The following LRRIQ1 variants were observed in gnomAD, a reference collection of about 807,000 sequenced individuals.
LRRIQ1 encodes the protein leucine rich repeats and IQ motif containing 1, also known as leucine-rich repeat- and IQ domain-containing protein 1.
A neutral mutation model predicts 211.9 loss-of-function variants in LRRIQ1; 210 were observed. That is an observed-to-expected ratio of 0.99 (90% CI 0.89 to 1.11). The LOEUF is 1.11. Among genes scored for constraint, LRRIQ1 ranks in the 50% most tolerant of loss-of-function variants. The pLI is 0.00. For missense variants in LRRIQ1, 2,136 were observed against 1,939.5 expected (o/e 1.10, Z -1.90); for synonymous variants, 699 against 650.1 (o/e 1.08, Z -1.14).
chr12:85,203,982 C>T (rs1168049815), intron 24 of LRRIQ1, among the ~76,000 whole-genome samples: 1 of 152,046 alleles, frequency 6.6e-6, no homozygotes, highest in Non-Finnish European at 1.5e-5. Flanking sequence ...CACGACAGCC[C>T]CTCCCATCAC....
chr12:85,192,065 G>A (rs1445137458), intron 24 of LRRIQ1, among the ~76,000 whole-genome samples: 2 of 151,450 alleles, frequency 1.3e-5, no homozygotes, highest in Non-Finnish European at 2.9e-5. Context: ...TGTCACGGGG[G>A]GTTGTTTACA....
chr12:85,104,893 A>G (rs1310652983), intron 14 of LRRIQ1, among the ~76,000 whole-genome samples: 1 of 152,114 alleles, frequency 6.6e-6, no homozygotes, highest in Non-Finnish European at 1.5e-5. Flanking sequence ...AACATTTTAC[A>G]ACCACACCAG....
intron 1 of LRRIQ1, among the ~76,000 whole-genome samples, chr12:85,252,956 A>C (rs1194590388): frequency 6.6e-6 from 1 of 151,984 alleles, no homozygotes; most frequent in African/African-American, 2.4e-5. Context: ...TCTGTACCTT[A>C]TGATTACACT....
At chr12:85,187,098 T>G (rs958139453) in intron 24 of LRRIQ1, among the ~76,000 whole-genome samples, 1 of 152,192 alleles carries the variant, frequency 6.6e-6, no homozygotes, top group East Asian at 1.9e-4. Context: ...ATAATGATAT[T>G]TTTCTATGCT....
At chr12:85,072,208 G>A (rs558139855) in intron 10 of LRRIQ1, among the ~76,000 whole-genome samples, 1 of 151,014 alleles carries the variant, frequency 6.6e-6, no homozygotes, top group Non-Finnish European at 1.5e-5. Flanking sequence ...TTTTACCTTA[G>A]ATTTAAAATT....
chr12:85,250,041 A>G (rs1240939981), downstream of LRRIQ1, among the ~76,000 whole-genome samples: 1 of 151,462 alleles, frequency 6.6e-6, no homozygotes, highest in Non-Finnish European at 1.5e-5. Flanking sequence ...GGAAGCAGGG[A>G]GTTTAATTAA....
chr12:85,234,244 A>G (rs1895079086), intron 26 of LRRIQ1, among the ~76,000 whole-genome samples: 1 of 152,150 alleles, frequency 6.6e-6, no homozygotes, highest in Non-Finnish European at 1.5e-5. Context: ...TTCAAAAAAC[A>G]AAAAAGTTAT....
At chr12:85,040,819 G>A (rs932085370) in intron 3 of LRRIQ1, among the ~76,000 whole-genome samples, 1 of 150,966 alleles carries the variant, frequency 6.6e-6, no homozygotes, top group Non-Finnish European at 1.5e-5. Flanking sequence ...AATACCATCA[G>A]CATTTTGTTT....
intron 24 of LRRIQ1, among the ~76,000 whole-genome samples, chr12:85,184,666 T>G (rs941707110): frequency 6.6e-6 from 1 of 152,006 alleles, no homozygotes; most frequent in African/African-American, 2.4e-5. Context: ...TACAAGTGCA[T>G]TTTGCTGATC....
chr12:85,056,255 G>T lies in LRRIQ1; in HGVS notation c.1462G>T (p.Ala488Ser), dbSNP rs760389426. Residue 488 changes from alanine (A) to serine (S), a missense_variant, in exon 8 of 27, where the codon GCA (alanine) becomes TCA (serine). Coordinates refer to ENST00000393217, the MANE Select transcript of LRRIQ1 (RefSeq NM_001079910.2). ...AATGGAAGAAAAAAATGAAAACCTA[G>T]CAAAAAAACGATGTTCAGAAGAATT... The part of the protein sequence containing the change: ...FKMEEKNENL[A>S]KKRCSEELVK... The T allele has an allele frequency of 3.7e-5, 58 of 1,570,954 alleles. No homozygotes were observed. The highest frequency in any genetic ancestry group is 5.0e-5 in the Non-Finnish European group (58 of 1,168,394).
intron 24 of LRRIQ1, among the ~76,000 whole-genome samples, chr12:85,168,555 C>T (rs1891262235): frequency 6.6e-6 from 1 of 152,090 alleles, no homozygotes; most frequent in Admixed American, 6.6e-5. Flanking sequence ...AATATAATGT[C>T]ATAGGAATAG....
intron 11 of LRRIQ1, among the ~76,000 whole-genome samples, chr12:85,087,331 T>C (rs1046273016): frequency 1.3e-5 from 2 of 152,236 alleles, no homozygotes; most frequent in East Asian, 3.8e-4. Flanking sequence ...ATTTTCTTAA[T>C]CCAGTCTATC....
intron 18 of LRRIQ1, among the ~76,000 whole-genome samples, chr12:85,133,209 A>G (rs1224705184): frequency 2.0e-5 from 3 of 152,086 alleles, no homozygotes; most frequent in Non-Finnish European, 2.9e-5. Context: ...GATTTTTTAT[A>G]TTTTTCCCTT....
At chr12:85,191,868 T>C (rs1892527650) in intron 24 of LRRIQ1, among the ~76,000 whole-genome samples, 1 of 151,996 alleles carries the variant, frequency 6.6e-6, no homozygotes, top group Non-Finnish European at 1.5e-5. Flanking sequence ...CTTAATGACA[T>C]ATGATACTGA....
In LRRIQ1 at chr12:85,230,291, T is replaced by G. The variant is rs182060417; in HGVS notation, c.4955+642T>G. Among the ~76,000 whole-genome samples, 7 of 152,264 alleles carry G rather than the reference T, an allele frequency of 4.6e-5. No individual in the cohort carries two copies. In the East Asian group the frequency reaches 1.2e-3, roughly 25 times the overall value. On this transcript the variant is annotated intron_variant, in intron 25 of 26. Coordinates refer to ENST00000393217, the MANE Select transcript of LRRIQ1 (RefSeq NM_001079910.2). ...ATTGGGTAGTTTAAACAAGGGAAAA[T>G]TATTTTATCTCACTCAGCTCCAGAG...
chr12:85,049,378 T>C (rs1880031132), intron 6 of LRRIQ1, among the ~76,000 whole-genome samples: 1 of 152,178 alleles, frequency 6.6e-6, no homozygotes, highest in Non-Finnish European at 1.5e-5. Flanking sequence ...TCTGTACTCA[T>C]CCTTTTTAAA....
intron 18 of LRRIQ1, among the ~76,000 whole-genome samples, chr12:85,133,574 A>G (rs984584064): frequency 2.0e-5 from 3 of 152,130 alleles, no homozygotes; most frequent in Non-Finnish European, 4.4e-5. Context: ...GGTTTGATTG[A>G]AACAGGTTTC....
At chr12:85,100,223 A>C (rs1565832206) in intron 13 of LRRIQ1, among the ~76,000 whole-genome samples, 1 of 151,756 alleles carries the variant, frequency 6.6e-6, no homozygotes, top group Non-Finnish European at 1.5e-5. Context: ...AAAATCAAGA[A>C]ATTTTTTGAC....
At chr12:85,145,087 CT>C (rs1402483539) in intron 19 of LRRIQ1, among the ~76,000 whole-genome samples, 1 of 151,344 alleles carries the variant, frequency 6.6e-6, no homozygotes, top group Admixed American at 6.6e-5. Context: ...AAGACATATC[CT>C]TATGTAATTA....
Sources: allele counts gnomAD v4.1 joint callset (sites outside exome capture counted in the v4.1 genomes callset), GRCh38; gene constraint gnomAD v4.1.1; transcripts MANE v1.5; gene names NCBI Gene and HGNC (gene_info 2026-07-23, HGNC 2026-07-21).